TMEM87B: variants seen among roughly 807,000 people sequenced by gnomAD.
TMEM87B encodes the protein transmembrane protein 87B.
Under a neutral mutation model 80.3 loss-of-function variants are expected in TMEM87B, and 83 were observed. The observed-to-expected ratio is 1.03, with a 90% CI of 0.87 to 1.24. The LOEUF is 1.24. Among genes scored for constraint, TMEM87B ranks in the 50% most tolerant of loss-of-function variants. The pLI is 0.00. For synonymous variants in TMEM87B, 219 were observed against 230.5 expected (o/e 0.95, Z 0.45); for missense variants, 625 against 674.4 (o/e 0.93, Z 0.81).
chr2:112,113,672 A>G (rs1679980543), intron 18 of TMEM87B, among the ~76,000 whole-genome samples: 3 of 150,710 alleles, frequency 2.0e-5, no homozygotes, highest in Non-Finnish European at 3.0e-5. Context: ...CTACAGAAAG[A>G]TGTAGCATTA....
chr2:112,078,404 C>T (rs569288175), intron 6 of TMEM87B, among the ~76,000 whole-genome samples: 3 of 152,208 alleles, frequency 2.0e-5, no homozygotes, highest in African/African-American at 7.2e-5. Context: ...GCAGGAAGCA[C>T]AAAAGGGGAC....
chr2:112,095,791 T>C (rs536293220), intron 11 of TMEM87B, among the ~76,000 whole-genome samples: 3 of 152,346 alleles, frequency 2.0e-5, no homozygotes, highest in African/African-American at 7.2e-5. Context: ...TCCATTCTGT[T>C]GCTCAGCTCT....
chr2:112,074,500 C>A (rs1678750683), intron 4 of TMEM87B, among the ~76,000 whole-genome samples: 1 of 152,014 alleles, frequency 6.6e-6, no homozygotes, highest in Non-Finnish European at 1.5e-5. Flanking sequence ...TAACATTTTT[C>A]TTCATTTTGA....
At chr2:112,080,497 A>C (rs546419043) in intron 6 of TMEM87B, among the ~76,000 whole-genome samples, 1 of 134,458 alleles carries the variant, frequency 7.4e-6, no homozygotes, top group Non-Finnish European at 1.6e-5. Flanking sequence ...CTGACCTCGT[A>C]ATCCGCCCGC....
At chr2:112,092,365 G>A (rs995520116) in intron 11 of TMEM87B, among the ~76,000 whole-genome samples, 1 of 152,198 alleles carries the variant, frequency 6.6e-6, no homozygotes, top group Non-Finnish European at 1.5e-5. Flanking sequence ...GGACATGCAT[G>A]GGAGAGCCTT....
intron 6 of TMEM87B, among the ~76,000 whole-genome samples, chr2:112,078,497 A>C (rs1678887838): frequency 6.6e-6 from 1 of 152,190 alleles, no homozygotes; most frequent in Non-Finnish European, 1.5e-5. Flanking sequence ...GTAAGGCATT[A>C]ATCTATTCAT....
intron 1 of TMEM87B, among the ~76,000 whole-genome samples, chr2:112,056,644 C>T (rs942783083): frequency 6.6e-6 from 1 of 152,122 alleles, no homozygotes; most frequent in Non-Finnish European, 1.5e-5. Flanking sequence ...TGTCCAGGTT[C>T]TAAAGATGAG....
At chr2:112,056,590 T>C (rs1292372511) in intron 1 of TMEM87B, among the ~76,000 whole-genome samples, 1 of 152,194 alleles carries the variant, frequency 6.6e-6, no homozygotes, top group Non-Finnish European at 1.5e-5. Flanking sequence ...AGATGACTCA[T>C]CCAGCACTGT....
chr2:112,055,719 T>A lies in TMEM87B; in HGVS notation c.128T>A (p.Val43Asp), dbSNP rs766944323. 1.3e-6 allele frequency: 2 copies of A among 1,533,618 alleles called. No individual in the cohort carries two copies. Among genetic ancestry groups the A allele is most frequent in the Non-Finnish European group, 1.7e-6 (2 of 1,147,466 alleles). The change falls in exon 1 of 19, where the codon GTC (valine) becomes GAC (aspartate). Residue 43 changes from valine to aspartate, a missense_variant. Val to Asp is a radical substitution (Grantham distance 152). Coordinates refer to ENST00000283206, the MANE Select transcript of TMEM87B (RefSeq NM_032824.3). Reference sequence around the variant, plus strand: ...TGGACCCCGGCGGCTGTGCGCGCGGTCCCTGAGCTCGGGCTCTGGTTAGAG... The same window carrying A: ...TGGACCCCGGCGGCTGTGCGCGCGGACCCTGAGCTCGGGCTCTGGTTAGAG... Reference protein sequence around the residue: ...LCWTPAAVRAVPELGLWLETV... With the variant: ...LCWTPAAVRADPELGLWLETV...
chr2:112,117,536 G>A lies in TMEM87B; in HGVS notation c.*1393G>A, dbSNP rs1020266651. 2.0e-5 allele frequency: 3 copies of A among 151,574 alleles called. No individual in the cohort carries two copies. Among genetic ancestry groups the A allele is most frequent in the Non-Finnish European group, 2.9e-5 (2 of 67,942 alleles). 9.4% of individuals were successfully genotyped at this position (151,574 alleles called of 1,614,324 possible). On this transcript the variant is annotated 3_prime_UTR_variant, in exon 19 of 19. Coordinates refer to ENST00000283206, the MANE Select transcript of TMEM87B (RefSeq NM_032824.3). ...AAGATCTATTTCTGGTAGTCATATCGCTTGAAAGGTATTGGTAAATGTGTT... is the reference window on the plus strand; with the variant it reads ...AAGATCTATTTCTGGTAGTCATATCACTTGAAAGGTATTGGTAAATGTGTT...
intron 8 of TMEM87B, among the ~76,000 whole-genome samples, chr2:112,082,912 G>A (rs557177979): frequency 6.6e-6 from 1 of 152,288 alleles, no homozygotes; most frequent in South Asian, 2.1e-4. Context: ...GGGAATCTAA[G>A]CTGTCTGAGA....
At chr2:112,066,048 T>C (rs116418049) in intron 3 of TMEM87B, among the ~76,000 whole-genome samples, 1,627 of 152,340 alleles carry the variant, frequency 0.011, 36 homozygotes, top group African/African-American at 0.037. Context: ...AGTTACTACT[T>C]TTCTCTTTGT....
chr2:112,104,905 ATAACT>A (rs1679723948), intron 15 of TMEM87B, among the ~76,000 whole-genome samples: 1 of 152,208 alleles, frequency 6.6e-6, no homozygotes, highest in African/African-American at 2.4e-5. Flanking sequence ...ACTCTATAAC[ATAACT>A]TAATCTCAAA....
rs1291167711 is a variant in TMEM87B at position 112,055,698 on chromosome 2, C to T, written c.107C>T (p.Thr36Ile). ...GTCGCCCTCTGCCTCCTGTGCTGGACCCCGGCGGCTGTGCGCGCGGTCCCT... is the reference window on the plus strand; with the variant it reads ...GTCGCCCTCTGCCTCCTGTGCTGGATCCCGGCGGCTGTGCGCGCGGTCCCT... ...LRVALCLLCW[T>I]PAAVRAVPEL... Residue 36 changes from threonine (T) to isoleucine (I), a missense_variant, in exon 1 of 19, where the codon ACC becomes ATC. Thr to Ile is a moderately conservative substitution (Grantham distance 89, BLOSUM62 -1). Transcript: ENST00000283206. The T allele has an allele frequency of 7.7e-6, 12 of 1,554,468 alleles. No individual in the cohort carries two copies. Among genetic ancestry groups the T allele is most frequent in the South Asian group, 1.2e-5 (1 of 83,698 alleles).
Position 112,064,157 on chromosome 2 carries a change from A to T in TMEM87B, c.227-5A>T. On this transcript the variant is annotated splice_polypyrimidine_tract_variant and splice_region_variant and intron_variant, in intron 2 of 18. Coordinates refer to ENST00000283206, the MANE Select transcript of TMEM87B (RefSeq NM_032824.3). Reference sequence around the variant, plus strand: ...TGTAAAACAAGACTTTCTTTTTCTAAACAGTTAAGTCATTCCATTGTTCTG... The same window carrying T: ...TGTAAAACAAGACTTTCTTTTTCTATACAGTTAAGTCATTCCATTGTTCTG... 2 of 1,612,158 alleles carry T rather than the reference A, an allele frequency of 1.2e-6. No individual in the cohort carries two copies. Among genetic ancestry groups the T allele is most frequent in the Non-Finnish European group, 1.7e-6 (2 of 1,179,104 alleles).
intron 4 of TMEM87B, among the ~76,000 whole-genome samples, chr2:112,069,075 C>G (rs979427983): frequency 1.3e-5 from 2 of 151,290 alleles, no homozygotes; most frequent in Non-Finnish European, 2.9e-5. Context: ...GCCTGTAGTC[C>G]CAGCTACTCG....
At chr2:112,080,078 C>T (rs551865367) in intron 6 of TMEM87B, among the ~76,000 whole-genome samples, 4 of 150,352 alleles carry the variant, frequency 2.7e-5, no homozygotes, top group African/African-American at 7.3e-5. Context: ...TATAGGTGCA[C>T]GCCACCCCAC....
intron 4 of TMEM87B, among the ~76,000 whole-genome samples, chr2:112,068,354 T>G (rs1002583454): frequency 1.3e-5 from 2 of 152,216 alleles, no homozygotes; most frequent in Non-Finnish European, 2.9e-5. Context: ...GAGTTCTCTT[T>G]AAAATGTGTT....
Position 112,055,561 on chromosome 2 carries a change from T to G in TMEM87B, c.-31T>G, listed in dbSNP as rs1252679986. On this transcript the variant is annotated 5_prime_UTR_variant, in exon 1 of 19. Transcript: ENST00000283206. ...ACCAGGTGCGGGTGTGGCAGGCGTC[T>G]CGGAGCGCCAGGTGCAGCTTCCTGG... is the stretch of plus-strand genomic sequence containing the variant. 6.8e-7 allele frequency: 1 copy of G among 1,468,034 alleles called. No individual in the cohort carries two copies. Among genetic ancestry groups the G allele is most frequent in the Non-Finnish European group, 9.0e-7 (1 of 1,113,596 alleles). The allele number at this position is 1,468,034 out of a possible 1,614,324, so 90.9% of individuals were successfully genotyped here.
Sources: gnomAD v4.1 joint callset for allele counts (sites outside exome capture counted in the v4.1 genomes callset) on GRCh38, gnomAD v4.1.1 for gene constraint, MANE v1.5 for transcripts, NCBI Gene and HGNC (gene_info 2026-07-23, HGNC 2026-07-21) for gene names.